PTPRT: variants seen among roughly 807,000 people sequenced by gnomAD.
PTPRT encodes receptor-type tyrosine-protein phosphatase T.
In PTPRT, 56 loss-of-function variants were observed where a neutral mutation model predicts 176.8. That is an observed-to-expected ratio of 0.32 (90% CI 0.26 to 0.40). The LOEUF is 0.40. Ranked by LOEUF, PTPRT falls within the 10% of genes least tolerant of loss-of-function variation. PTPRT has a pLI of 1.00. For missense variants in PTPRT, 1,540 were observed against 1,908.2 expected, an observed-to-expected ratio of 0.81 and a Z score of 3.60; for synonymous variants, 783 against 739.0, an observed-to-expected ratio of 1.06 and a Z score of -0.96.
At chr20:42,437,651 T>C (rs1220139752) in intron 9 of PTPRT, among the ~76,000 whole-genome samples, 3 of 152,134 alleles carry the variant, frequency 2.0e-5, no homozygotes, top group South Asian at 4.1e-4. Context: ...ATTACTTTTC[T>C]CTTGGTAAAG....
At chr20:42,793,966 T>A (rs991709356) in intron 2 of PTPRT, among the ~76,000 whole-genome samples, 1 of 152,158 alleles carries the variant, frequency 6.6e-6, no homozygotes, top group Non-Finnish European at 1.5e-5. Flanking sequence ...ACATTTCAGC[T>A]CCTGTCCTCC....
Position 42,350,229 on chromosome 20 carries a change from T to G in PTPRT, c.1865+399A>C, listed in dbSNP as rs199545408. On this transcript the variant is annotated intron_variant, in intron 11 of 30. Transcript: ENST00000373187. ...GATGTTTCTTGTTTTTTTTTTTTTTTTTTTTTTTTTTTTTTTTGAGACAGG... is the reference window on the plus strand; with the variant it reads ...GATGTTTCTTGTTTTTTTTTTTTTTGTTTTTTTTTTTTTTTTTGAGACAGG... Among the ~76,000 whole-genome samples, 437 of 96,018 alleles carry G rather than the reference T, an allele frequency of 4.6e-3. 7 individuals are homozygous for G. The highest frequency in any genetic ancestry group is 0.013 in the African/African-American group (320 of 25,538). 63.0% of individuals were successfully genotyped at this position (96,018 alleles called of 152,430 possible). A position where few individuals can be genotyped will look rare whatever the true frequency, so the allele number is the denominator to read the frequency against.
At chr20:42,351,357 A>C (rs1283014652) in intron 10 of PTPRT, among the ~76,000 whole-genome samples, 1 of 152,240 alleles carries the variant, frequency 6.6e-6, no homozygotes. Flanking sequence ...ACACGGAAGC[A>C]CCAAATATAT....
intron 1 of PTPRT, among the ~76,000 whole-genome samples, chr20:43,011,259 G>T (rs78542730): frequency 7.6e-4 from 116 of 152,242 alleles, no homozygotes; most frequent in African/African-American, 2.6e-3. Context: ...AAATGCCCAC[G>T]CCACAAATGG....
At chr20:42,935,392 G>C (rs1293144587) in intron 1 of PTPRT, among the ~76,000 whole-genome samples, 1 of 151,842 alleles carries the variant, frequency 6.6e-6, no homozygotes, top group African/African-American at 2.4e-5. Context: ...CTCCTGCCTT[G>C]GCGTCCAAAA....
intron 7 of PTPRT, among the ~76,000 whole-genome samples, chr20:42,539,409 A>G (rs1045153950): frequency 2.0e-5 from 3 of 147,720 alleles, no homozygotes; most frequent in Non-Finnish European, 4.5e-5. Context: ...CCTGGTTAGT[A>G]CTTGAATGGG....
In PTPRT at chr20:43,134,641, T is replaced by C. The variant is rs372373663; in HGVS notation, c.88+55005A>G. Among the ~76,000 whole-genome samples, 53 of 152,348 alleles carry C rather than the reference T, an allele frequency of 3.5e-4. 1 individual carries two copies. In the South Asian group the frequency reaches 0.01, roughly 30 times the overall value. On this transcript the variant is annotated intron_variant, in intron 1 of 30. Transcript: ENST00000373187. ...ATTGCAGTAGTCCCTATACCCATCA[T>C]GATGGCCCTGAATAAAATCTGTCTT...
chr20:42,985,477 G>A (rs1983520344), intron 1 of PTPRT, among the ~76,000 whole-genome samples: 1 of 152,082 alleles, frequency 6.6e-6, no homozygotes, highest in Non-Finnish European at 1.5e-5. Context: ...CTGGGCAACA[G>A]AGTGAGACTC....
intron 7 of PTPRT, among the ~76,000 whole-genome samples, chr20:42,544,025 G>A (rs1338954434): frequency 6.6e-6 from 1 of 152,120 alleles, no homozygotes; most frequent in African/African-American, 2.4e-5. Context: ...TTAGCGTAGT[G>A]TTTAAGAGTC....
intron 7 of PTPRT, among the ~76,000 whole-genome samples, chr20:42,656,925 AC>A (rs2075134889): frequency 6.6e-6 from 1 of 152,222 alleles, no homozygotes; most frequent in African/African-American, 2.4e-5. Flanking sequence ...CATCACTCCA[AC>A]ACTGACAAAT....
rs1384718881 is a variant in PTPRT, at chr20:42,236,252, A to C, written c.2319T>G (p.Asn773Lys). 6.2e-7 allele frequency: 1 copy of C among 1,601,594 alleles called. No individual in the cohort carries two copies. Among genetic ancestry groups the C allele is most frequent in the Non-Finnish European group, 8.6e-7 (1 of 1,169,508 alleles). Residue 773 changes from asparagine (N) to lysine (K), a missense_variant, in exon 15 of 31, where the codon AAT (asparagine) becomes AAG (lysine). Physicochemically the swap from Asn to Lys is moderately conservative, Grantham distance 94. Around this residue, in one of 11 missense-constraint regions of PTPRT, gnomAD observed 255 missense variants for 250.1 expected, o/e 1.02. Transcript: ENST00000373187. ...ACAAGTAATAGGAGTAGGAATAAGC[A>C]TTTCTTCTATATATTGATGGGCAGT... ...GVMLTIKRRR[N>K]AYSYSYYLKL...
chr20:42,915,498 A>T (rs1978682347), intron 1 of PTPRT, among the ~76,000 whole-genome samples: 1 of 152,210 alleles, frequency 6.6e-6, no homozygotes, highest in South Asian at 2.1e-4. Context: ...AGATTTGCCC[A>T]CACATTCTGT....
chr20:42,812,529 T>A (rs2077714062), intron 2 of PTPRT, among the ~76,000 whole-genome samples: 1 of 152,168 alleles, frequency 6.6e-6, no homozygotes, highest in Non-Finnish European at 1.5e-5. Flanking sequence ...ATGGAGCAAC[T>A]GGAATCCTTA....
chr20:42,157,486 C>T (rs961511195), intron 17 of PTPRT, among the ~76,000 whole-genome samples: 6 of 151,936 alleles, frequency 3.9e-5, no homozygotes, highest in African/African-American at 1.5e-4. Flanking sequence ...CCTAGGGTTA[C>T]AGGCACCCAC....
chr20:42,186,907 G>A (rs1240969895), intron 16 of PTPRT, among the ~76,000 whole-genome samples: 7 of 152,010 alleles, frequency 4.6e-5, no homozygotes. Flanking sequence ...TGTTGAACTC[G>A]ATGTGGGAGG....
At chr20:42,098,665 C>G (rs1223899130) in intron 26 of PTPRT, 113 bp from the exon 27 acceptor site, 11 of 1,369,780 alleles carry the variant, frequency 8.0e-6, no homozygotes, top group Non-Finnish European at 1.1e-5. Context: ...ATAGATTATA[C>G]AAAACACCTG....
At chr20:42,712,072 T>G (rs1178190712) in intron 6 of PTPRT, among the ~76,000 whole-genome samples, 4 of 152,126 alleles carry the variant, frequency 2.6e-5, no homozygotes, top group African/African-American at 9.7e-5. Flanking sequence ...ACTGTGCCAT[T>G]CATTACCTGG....
chr20:42,611,035 T>C (rs976225897), intron 7 of PTPRT, among the ~76,000 whole-genome samples: 1 of 152,238 alleles, frequency 6.6e-6, no homozygotes, highest in African/African-American at 2.4e-5. Flanking sequence ...GTGTTCACTG[T>C]ATGGATATGC....
At chr20:42,282,961 C>T (rs1022198802) in intron 12 of PTPRT, among the ~76,000 whole-genome samples, 11 of 152,164 alleles carry the variant, frequency 7.2e-5, no homozygotes, top group Admixed American at 2.0e-4. Flanking sequence ...CATGCATAGA[C>T]GGGAAGAGAT....
Sources: gnomAD v4.1 joint callset for allele counts (sites outside exome capture counted in the v4.1 genomes callset) on GRCh38, gnomAD v4.1.1 for gene constraint, gnomAD v4.1.1 regional missense constraint, MANE v1.5 for transcripts, NCBI Gene and HGNC (gene_info 2026-07-23, HGNC 2026-07-21) for gene names.